LHPP: variants seen among roughly 807,000 people sequenced by gnomAD.
LHPP encodes the protein phospholysine phosphohistidine inorganic pyrophosphate phosphatase, also known as hLHPP.
LHPP carries 24 observed loss-of-function variants against 30.3 expected under a neutral mutation model. That is an observed-to-expected ratio of 0.79 (90% confidence interval 0.57 to 1.11). The LOEUF (loss-of-function observed/expected upper bound fraction) is 1.11, where lower values mean the gene tolerates loss of function less well. LHPP is among the 50% of genes most tolerant of loss of function. LHPP has a pLI of 0.00. For missense variants in LHPP, 356 were observed against 367.2 expected (o/e 0.97, Z 0.25); for synonymous variants, 150 against 157.1 (o/e 0.95, Z 0.34).
At chr10:124,509,239 A>C (rs1026052603) in intron 5 of LHPP, among the ~76,000 whole-genome samples, 8 of 152,300 alleles carry the variant, frequency 5.3e-5, no homozygotes, top group African/African-American at 1.7e-4. Context: ...CTTTGTGCTT[A>C]TTGAAGCACT....
intron 6 of LHPP, among the ~76,000 whole-genome samples, chr10:124,611,183 G>A (rs1398585280): frequency 2.0e-5 from 3 of 152,004 alleles, no homozygotes; most frequent in African/African-American, 7.3e-5. Context: ...ATCTGTAGGT[G>A]CCCCTGCTTG....
intron 6 of LHPP, among the ~76,000 whole-genome samples, chr10:124,577,210 G>A (rs1190027890): frequency 1.3e-5 from 2 of 152,114 alleles, no homozygotes; most frequent in Admixed American, 6.5e-5. Flanking sequence ...GCTCCCGACC[G>A]CCAGGCTGTG....
At chr10:124,582,212 C>G (rs941602554) in intron 6 of LHPP, among the ~76,000 whole-genome samples, 2 of 152,192 alleles carry the variant, frequency 1.3e-5, no homozygotes, top group East Asian at 1.9e-4. Flanking sequence ...TCTCAAGTAG[C>G]TAGGACTACA....
At chr10:124,564,158 C>G (rs1948450807) in intron 6 of LHPP, among the ~76,000 whole-genome samples, 1 of 151,116 alleles carries the variant, frequency 6.6e-6, no homozygotes, top group Admixed American at 6.6e-5. Context: ...GAGTCTCGCT[C>G]TGTCACCCAG....
intron 6 of LHPP, among the ~76,000 whole-genome samples, chr10:124,540,673 C>T (rs1955160354): frequency 6.6e-6 from 1 of 152,184 alleles, no homozygotes. Context: ...TCACGGTGCT[C>T]CATGGTTTGA....
intron 6 of LHPP, among the ~76,000 whole-genome samples, chr10:124,608,319 T>C (rs1023162960): frequency 1.3e-5 from 2 of 151,104 alleles, no homozygotes; most frequent in Non-Finnish European, 3.0e-5. Context: ...TCAAGGCCGG[T>C]CATGCTCTAC....
rs1954268229 is a variant in LHPP, at chr10:124,510,402, T to C, written c.625-6778T>C. Among the ~76,000 whole-genome samples, 1 of 152,224 alleles carries C rather than the reference T, an allele frequency of 6.6e-6. No individual in the cohort carries two copies. Among genetic ancestry groups the C allele is most frequent in the Non-Finnish European group, 1.5e-5 (1 of 68,034 alleles). ...AGGCAGCTGTGCACCCAGCCGGCCC[T>C]GGCGTCCCGGCCCCCAGCCTCCGCC... is the stretch of plus-strand genomic sequence containing the variant. On this transcript the variant is annotated intron_variant, in intron 5 of 6. Transcript: ENST00000368842. The surrounding 1 kb of genome is among the most constrained non-coding windows in gnomAD (Gnocchi z 4.0).
At position 124,576,694 on chromosome 10, in the gene LHPP, C is replaced by T. The variant is rs1014565616; in HGVS notation, c.717-36570C>T. On this transcript the variant is annotated intron_variant, in intron 6 of 6. Transcript: ENST00000368842. This position sits in a 1 kb window ranked among gnomAD's most constrained non-coding sequence, Gnocchi z 4.2. ...ACTCCTTCCCTGAGCGAGGGATAGG[C>T]AGAGCTGAGGGCGGGGGTACTGGGG... Among the ~76,000 whole-genome samples, 15 of 152,128 alleles carry T rather than the reference C, an allele frequency of 9.9e-5. No homozygotes were observed. Among genetic ancestry groups the T allele is most frequent in the African/African-American group, 3.6e-4 (15 of 41,426 alleles).
At chr10:124,553,830 C>T (rs1230879338) in intron 6 of LHPP, 30 of 953,486 alleles carry the variant, frequency 3.1e-5, no homozygotes, top group Admixed American at 6.2e-5. Context: ...AGACCTCCCC[C>T]GGGCCAGGCC....
intron 6 of LHPP, among the ~76,000 whole-genome samples, chr10:124,580,955 G>T (rs930217295): frequency 1.4e-4 from 21 of 152,192 alleles, no homozygotes; most frequent in Non-Finnish European, 2.8e-4. Flanking sequence ...CTGATCTTGG[G>T]TCTTGGGATC....
chr10:124,476,657 G>C (rs4962591), intron 1 of LHPP, among the ~76,000 whole-genome samples: 126,981 of 152,220 alleles, frequency 0.83, 53,168 homozygotes, highest in East Asian at 0.92. Context: ...GTGGGCTCAT[G>C]CGCACATCAG....
At chr10:124,551,546 A>C (rs1173592332) in intron 6 of LHPP, among the ~76,000 whole-genome samples, 2 of 151,866 alleles carry the variant, frequency 1.3e-5, no homozygotes, top group Admixed American at 1.3e-4. Flanking sequence ...GTGCGTGGGG[A>C]GGTAAGGGTC....
rs2361615 is a variant in LHPP, at chr10:124,480,211, G to A, written c.126-3928G>A. Among the ~76,000 whole-genome samples, 6 of 152,142 alleles carry A rather than the reference G, an allele frequency of 3.9e-5. No individual in the cohort carries two copies. In the East Asian group the frequency reaches 5.8e-4, roughly 15 times the overall value. On this transcript the variant is annotated intron_variant, in intron 1 of 6. Transcript: ENST00000368842. ...ATGGGTCTCTGGTGACGGCTCAAAGGGGGGTGTGGTCCGGGGCGCAGAAGG... is the reference window on the plus strand; with the variant it reads ...ATGGGTCTCTGGTGACGGCTCAAAGAGGGGTGTGGTCCGGGGCGCAGAAGG...
In LHPP at chr10:124,590,492, AC is replaced by A. The variant is rs1190187866; in HGVS notation, c.717-22768del. 6.6e-6 allele frequency among the ~76,000 whole-genome samples: 1 copy of A among 151,884 alleles called. No individual in the cohort carries two copies. The highest frequency in any genetic ancestry group is 2.4e-5 in the African/African-American group (1 of 41,340). Reference sequence around the variant, plus strand: ...GCTACCCCGAGAAAGCCGCTGTGTGACCCCATTAGGGGACTTGGCTCTCCTG... The same window carrying A: ...GCTACCCCGAGAAAGCCGCTGTGTGACCCATTAGGGGACTTGGCTCTCCTG... On this transcript the variant is annotated intron_variant, in intron 6 of 6. Transcript: ENST00000368842. This position sits in a 1 kb window ranked among gnomAD's most constrained non-coding sequence, Gnocchi z 4.3.
Position 124,579,208 on chromosome 10 carries a change from C to T in LHPP, c.717-34056C>T, listed in dbSNP as rs538455842. ...CATCTCCCGGGCCGAGCGTTCTGAGCGCCCTCTGAGCAGGCAGCCCACCAC... is the reference window on the plus strand; with the variant it reads ...CATCTCCCGGGCCGAGCGTTCTGAGTGCCCTCTGAGCAGGCAGCCCACCAC... On this transcript the variant is annotated intron_variant, in intron 6 of 6. Transcript: ENST00000368842. Among the ~76,000 whole-genome samples the T allele has an allele frequency of 2.6e-5, 4 of 152,358 alleles. No individual in the cohort carries two copies. The East Asian group carries it at 5.8e-4, about 22-fold the overall frequency.
rs78973770 is a variant in LHPP at position 124,530,713 on chromosome 10, T to A, written c.716+13442T>A. On this transcript the variant is annotated intron_variant, in intron 6 of 6. Transcript: ENST00000368842. The stretch of plus-strand genomic sequence containing the variant: ...CCAGCTCCAAGAACCACGGGCTTGC[T>A]TTAGCCAGGCTTCCACAAGCCTGCC... Among the ~76,000 whole-genome samples the A allele has an allele frequency of 9.2e-5, 14 of 152,304 alleles. No homozygotes were observed. The East Asian group carries it at 2.7e-3, about 29-fold the overall frequency.
rs962938691 is a variant in LHPP, at chr10:124,593,723, A to G, written c.717-19541A>G. Among the ~76,000 whole-genome samples the G allele has an allele frequency of 2.6e-5, 4 of 152,228 alleles. No individual in the cohort carries two copies. Among genetic ancestry groups the G allele is most frequent in the Non-Finnish European group, 5.9e-5 (4 of 68,022 alleles). ...GCTGAGGAGAGGGGTTGGGGCGAGG[A>G]CCAGCTCTGGGCAGTCTCCAGGTCA... is the stretch of plus-strand genomic sequence containing the variant. On this transcript the variant is annotated intron_variant, in intron 6 of 6. Coordinates refer to ENST00000368842, the MANE Select transcript of LHPP (RefSeq NM_022126.4). This position sits in a 1 kb window ranked among gnomAD's most constrained non-coding sequence, Gnocchi z 4.9.
intron 6 of LHPP, among the ~76,000 whole-genome samples, chr10:124,543,255 G>A (rs1171028505): frequency 1.3e-5 from 2 of 152,216 alleles, no homozygotes; most frequent in African/African-American, 4.8e-5. Context: ...TTGGCAGGGC[G>A]CACTCCCCAG....
intron 6 of LHPP, among the ~76,000 whole-genome samples, chr10:124,601,416 G>C (rs922796032): frequency 1.3e-5 from 2 of 152,218 alleles, no homozygotes; most frequent in African/African-American, 4.8e-5. Context: ...CGTGAATTGG[G>C]TGAGGGCCTG....
Sources: gnomAD v4.1 joint callset for allele counts (sites outside exome capture counted in the v4.1 genomes callset) on GRCh38, gnomAD v4.1.1 for gene constraint, Gnocchi (gnomAD v3.1) non-coding constraint, MANE v1.5 for transcripts, NCBI Gene and HGNC (gene_info 2026-07-23, HGNC 2026-07-21) for gene names.